RIPOR3: variants seen among roughly 807,000 people sequenced by gnomAD.
RIPOR3 encodes family with sequence similarity 65 member C.
A neutral mutation model predicts 114.3 loss-of-function variants in RIPOR3; 95 were observed. The observed-to-expected ratio is 0.83, with a 90% CI of 0.70 to 0.99. The LOEUF (loss-of-function observed/expected upper bound fraction) is 0.99, where lower values mean the gene tolerates loss of function less well. RIPOR3 is among the 50% of genes least tolerant of loss of function. The probability of loss-of-function intolerance (pLI) is 0.00; values close to 1 mark genes in which losing one functional copy is unlikely to be tolerated. For synonymous variants in RIPOR3, 575 were observed against 543.8 expected (o/e 1.06, Z -0.80); for missense variants, 1,252 against 1,266.9 (o/e 0.99, Z 0.18).
chr20:50,689,937 T>C (rs541915113), intron 1 of RIPOR3, among the ~76,000 whole-genome samples: 56 of 152,350 alleles, frequency 3.7e-4, no homozygotes, highest in African/African-American at 1.3e-3. Flanking sequence ...TCTGGCCCGA[T>C]GCCTGGAACC....
rs1482417935 is a variant in RIPOR3, at chr20:50,609,573, CTCGGCGCACT to C, written c.566_575del (p.Glu189GlyfsTer21). 4 of 1,425,162 alleles carry C rather than the reference CTCGGCGCACT, an allele frequency of 2.8e-6. No individual in the cohort carries two copies. Among genetic ancestry groups the C allele is most frequent in the Non-Finnish European group, 3.7e-6 (4 of 1,093,562 alleles). 88.3% of individuals were successfully genotyped at this position (1,425,162 alleles called of 1,614,324 possible). On this transcript the variant is annotated frameshift_variant and splice_region_variant, in exon 7 of 22. Coordinates refer to ENST00000327979, the MANE Select transcript of RIPOR3 (RefSeq NM_001290268.2). LOFTEE classifies it high-confidence loss of function. ...CCCAGCCCAGCTTGGCCCGGCCCAC[CTCGGCGCACT>C]CGTGCAGGCTGCGGCCCAGCTCCTG...
rs149948754 is a variant in RIPOR3 at position 50,689,082 on chromosome 20, T to C, written c.3+2044A>G. 4.5e-3 allele frequency among the ~76,000 whole-genome samples: 677 copies of C among 152,088 alleles called. 2 individuals carry two copies. Among genetic ancestry groups the C allele is most frequent in the Admixed American group, 7.5e-3 (115 of 15,284 alleles). On this transcript the variant is annotated intron_variant, in intron 1 of 21. Coordinates refer to ENST00000327979, the MANE Select transcript of RIPOR3 (RefSeq NM_001290268.2). Reference sequence around the variant, plus strand: ...TGGTACCACAGGCCATCAGTCCTTTTCCCCAAGTCCACCTTCATTCCCGCC... The same window carrying C: ...TGGTACCACAGGCCATCAGTCCTTTCCCCCAAGTCCACCTTCATTCCCGCC...
intron 14 of RIPOR3, 87 bp downstream of exon 14, chr20:50,597,493 A>G: frequency 6.6e-7 from 1 of 1,517,598 alleles, no homozygotes; most frequent in Non-Finnish European, 8.9e-7. Context: ...GGAGAAACAG[A>G]CGGGGAGGCT....
chr20:50,597,803 T>A lies in RIPOR3; in HGVS notation c.1660-93A>T. On this transcript the variant is annotated intron_variant, in intron 13 of 21. Transcript: ENST00000327979. Reference sequence around the variant, plus strand: ...GGGGCCTCACGGCAGACTTGGGCAATGTCCCGGTCCCAAGCCCCAATCCCA... The same window carrying A: ...GGGGCCTCACGGCAGACTTGGGCAAAGTCCCGGTCCCAAGCCCCAATCCCA... 3.3e-6 allele frequency: 5 copies of A among 1,500,598 alleles called. No homozygotes were observed. The South Asian group carries it at 5.1e-5, about 15-fold the overall frequency. 93.0% of individuals were successfully genotyped at this position (1,500,598 alleles called of 1,614,324 possible). A position where few individuals can be genotyped will look rare whatever the true frequency, so the allele number is the denominator to read the frequency against.
intron 1 of RIPOR3, among the ~76,000 whole-genome samples, chr20:50,639,170 T>C (rs1224107077): frequency 6.6e-6 from 1 of 151,004 alleles, no homozygotes; most frequent in Non-Finnish European, 1.5e-5. Context: ...TGAACCCAGG[T>C]GGCAGAGGTT....
chr20:50,656,227 T>C (rs1600698770), intron 1 of RIPOR3, among the ~76,000 whole-genome samples: 1 of 151,284 alleles, frequency 6.6e-6, no homozygotes. Context: ...AGGCTGTCCT[T>C]TCCTTTTCTA....
chr20:50,639,610 G>A (rs1438323513), intron 1 of RIPOR3, among the ~76,000 whole-genome samples: 3 of 152,230 alleles, frequency 2.0e-5, no homozygotes, highest in Non-Finnish European at 4.4e-5. Flanking sequence ...GCACTCACCT[G>A]TAGTCCCAGC....
chr20:50,636,714 T>C (rs1333555252), intron 1 of RIPOR3: 16 of 985,508 alleles, frequency 1.6e-5, no homozygotes, highest in Non-Finnish European at 1.9e-5. Context: ...TCCCAGACAC[T>C]GGGGACTGTC....
intron 2 of RIPOR3, among the ~76,000 whole-genome samples, chr20:50,622,604 A>G (rs1211251166): frequency 6.6e-6 from 1 of 152,148 alleles, no homozygotes; most frequent in African/African-American, 2.4e-5. Context: ...CTGAACAACA[A>G]GAGAGAAGGA....
intron 19 of RIPOR3, 48 bp downstream of exon 19, chr20:50,592,296 G>A (rs1025541407): frequency 6.7e-7 from 1 of 1,483,006 alleles, no homozygotes. Flanking sequence ...GCTTACCTAT[G>A]CCCACACATC....
chr20:50,625,445 C>T (rs1388533764), intron 2 of RIPOR3, among the ~76,000 whole-genome samples: 1 of 152,228 alleles, frequency 6.6e-6, no homozygotes, highest in Non-Finnish European at 1.5e-5. Context: ...CCCCCTGGTA[C>T]CGTCCAGGAA....
chr20:50,676,197 C>T (rs2086671175), intron 1 of RIPOR3, among the ~76,000 whole-genome samples: 1 of 152,154 alleles, frequency 6.6e-6, no homozygotes, highest in Admixed American at 6.5e-5. Context: ...CTGTGTCTCA[C>T]CCCGACGGGC....
intron 1 of RIPOR3, among the ~76,000 whole-genome samples, chr20:50,631,211 A>T (rs1338671477): frequency 6.6e-6 from 1 of 151,972 alleles, no homozygotes; most frequent in East Asian, 1.9e-4. Flanking sequence ...CTCCCTGAGC[A>T]CCTAACACAG....
intron 3 of RIPOR3, among the ~76,000 whole-genome samples, chr20:50,617,750 C>A (rs981052473): frequency 1.3e-5 from 2 of 151,660 alleles, no homozygotes; most frequent in Non-Finnish European, 2.9e-5. Context: ...CTCAGCCTCC[C>A]GAGTAGCTGG....
intron 2 of RIPOR3, among the ~76,000 whole-genome samples, chr20:50,620,474 A>C (rs2084357014): frequency 6.6e-6 from 1 of 152,052 alleles, no homozygotes; most frequent in Admixed American, 6.6e-5. Flanking sequence ...TAAAAATACA[A>C]AAATTAGCCG....
In RIPOR3 at chr20:50,613,472, G is replaced by A. The variant is rs184071881; in HGVS notation, c.349-2268C>T. 3.2e-4 allele frequency among the ~76,000 whole-genome samples: 49 copies of A among 151,580 alleles called. 1 individual carries two copies. Among genetic ancestry groups the A allele is most frequent in the Middle Eastern group, 3.4e-3 (1 of 294 alleles). ...CATCCCGAAAAAAAAGAAAAGAAAA[G>A]AAAAGAAATAAATAAAGAAAGAGGA... is the stretch of plus-strand genomic sequence containing the variant. On this transcript the variant is annotated intron_variant, in intron 4 of 21. Coordinates refer to ENST00000327979, the MANE Select transcript of RIPOR3 (RefSeq NM_001290268.2).
chr20:50,682,403 T>A (rs2123613877), intron 1 of RIPOR3, among the ~76,000 whole-genome samples: 1 of 151,288 alleles, frequency 6.6e-6, no homozygotes, highest in South Asian at 2.1e-4. Flanking sequence ...AGGCCAGGAG[T>A]TTGAGGCCAG....
rs930000522 is a variant in RIPOR3 at position 50,630,873 on chromosome 20, G to C, written c.4-17C>G. On this transcript the variant is annotated splice_polypyrimidine_tract_variant and intron_variant, in intron 1 of 21. Coordinates refer to ENST00000327979, the MANE Select transcript of RIPOR3 (RefSeq NM_001290268.2). ...GGTGGTCACCTGCAAGGAGAGGACA[G>C]GAGAGTCAGCCTGGCATCACCATCC... 2 of 1,573,310 alleles carry C rather than the reference G, an allele frequency of 1.3e-6. No homozygotes were observed. The highest frequency in any genetic ancestry group is 2.7e-5 in the African/African-American group (2 of 73,862).
chr20:50,667,624 G>A lies in RIPOR3; in HGVS notation c.3+23502C>T, dbSNP rs144589536. 9.3e-3 allele frequency among the ~76,000 whole-genome samples: 1,418 copies of A among 152,202 alleles called. 19 individuals are homozygous for A. The highest frequency in any genetic ancestry group is 0.033 in the African/African-American group (1,351 of 41,542). On this transcript the variant is annotated intron_variant, in intron 1 of 21. Coordinates refer to ENST00000327979, the MANE Select transcript of RIPOR3 (RefSeq NM_001290268.2). ...TAAGTTCTTAACACGTCCTCACCGCGGCTCAGCTCACTGTACGGCCCCTGC... is the reference window on the plus strand; with the variant it reads ...TAAGTTCTTAACACGTCCTCACCGCAGCTCAGCTCACTGTACGGCCCCTGC...
Sources: allele counts gnomAD v4.1 joint callset (sites outside exome capture counted in the v4.1 genomes callset), GRCh38; gene constraint gnomAD v4.1.1; transcripts MANE v1.5; gene names NCBI Gene and HGNC (gene_info 2026-07-23, HGNC 2026-07-21).